Variants in PSMD11 observed in about 807,000 individuals in gnomAD.
The protein encoded by PSMD11 is proteasome 26S subunit, non-ATPase 11.
A neutral mutation model predicts 62.3 loss-of-function variants in PSMD11; 5 were observed. The observed-to-expected ratio is 0.08, with a 90% confidence interval of 0.04 to 0.17. The LOEUF is 0.17. PSMD11 is among the 10% of genes least tolerant of loss of function. The probability of loss-of-function intolerance (pLI) is 1.00; values close to 1 mark genes in which losing one functional copy is unlikely to be tolerated. For synonymous variants in PSMD11, 191 were observed against 191.8 expected, an observed-to-expected ratio of 1.00 and a Z score of 0.03; for missense variants, 310 against 512.9, an observed-to-expected ratio of 0.60 and a Z score of 3.82.
chr17:32,462,805 G>A (rs1907880134), intron 3 of PSMD11, among the ~76,000 whole-genome samples: 1 of 152,108 alleles, frequency 6.6e-6, no homozygotes. Flanking sequence ...TTCTACCTCA[G>A]CCTCCCGAGT....
chr17:32,480,456 C>G (rs1439978222), intron 12 of PSMD11, 33 bp from the exon 13 acceptor site: 2 of 1,613,740 alleles, frequency 1.2e-6, no homozygotes, highest in Non-Finnish European at 1.7e-6. Flanking sequence ...CTAACCTCAT[C>G]TTTTACCTGG....
At chr17:32,451,132 A>AG (rs1032954513) in intron 2 of PSMD11, among the ~76,000 whole-genome samples, 1 of 151,662 alleles carries the variant, frequency 6.6e-6, no homozygotes, top group Non-Finnish European at 1.5e-5. Flanking sequence ...AAAAAAAAAA[A>AG]AAAGAAAAAA....
Position 32,464,550 on chromosome 17 carries a change from C to T in PSMD11, c.420C>T (p.Thr140=), listed in dbSNP as rs1907938522. The T allele has an allele frequency of 6.2e-7, 1 of 1,608,752 alleles. No individual in the cohort carries two copies. The highest frequency in any genetic ancestry group is 8.5e-7 in the Non-Finnish European group (1 of 1,176,732). The change falls in exon 5 of 14, where the codon ACC becomes ACT. Residue 140 remains threonine (T), a synonymous_variant. Transcript: ENST00000261712. The part of the protein sequence containing the change: ...EARLVSLYFD[T]KRYQEALHLG... Reference sequence around the variant, plus strand: ...GACTGGTGTCTTTGTACTTTGATACCAAGAGGTACCAGGAAGCATTGCATT... The same window carrying T: ...GACTGGTGTCTTTGTACTTTGATACTAAGAGGTACCAGGAAGCATTGCATT...
In PSMD11 at chr17:32,482,512, T is replaced by C. The variant is rs1386167076; in HGVS notation, c.*1760T>C. ...TGTAATGGGAGTCCTTAAGGTAAAT[T>C]TGGGGTCCAAACTTGGAGGGCTTTG... On this transcript the variant is annotated 3_prime_UTR_variant, in exon 14 of 14. Transcript: ENST00000261712. 2.0e-5 allele frequency: 3 copies of C among 152,172 alleles called. No homozygotes were observed. Among genetic ancestry groups the C allele is most frequent in the African/African-American group, 7.2e-5 (3 of 41,384 alleles). 9.4% of individuals were successfully genotyped at this position (152,172 alleles called of 1,614,324 possible). A position where few individuals can be genotyped will look rare whatever the true frequency, so the allele number is the denominator to read the frequency against.
intron 6 of PSMD11, 135 bp from the exon 7 acceptor site, chr17:32,473,665 TC>T: frequency 1.3e-6 from 1 of 787,740 alleles, no homozygotes; most frequent in South Asian, 1.8e-5. Context: ...TCCTCCCATC[TC>T]AGCCTCCCAA....
chr17:32,463,260 A>G (rs1907893574), intron 3 of PSMD11: 1 of 152,086 alleles, frequency 6.6e-6, no homozygotes. Flanking sequence ...TTACCTCACT[A>G]CTTAGGTGGC....
chr17:32,454,468 C>T (rs1250439997), intron 2 of PSMD11, 27 bp from the exon 3 acceptor site: 5 of 1,608,902 alleles, frequency 3.1e-6, no homozygotes, highest in Non-Finnish European at 1.7e-6. Flanking sequence ...GATGTTTACT[C>T]CTCTTTTTGA....
intron 3 of PSMD11, among the ~76,000 whole-genome samples, chr17:32,461,600 GAAAAGAAA>G: frequency 6.7e-6 from 1 of 148,242 alleles, no homozygotes; most frequent in Non-Finnish European, 1.5e-5. Context: ...AAAGGAAAAG[GAAAAGAAA>G]AAAAGAAAAA....
intron 3 of PSMD11, among the ~76,000 whole-genome samples, chr17:32,458,568 G>C (rs1232361786): frequency 6.6e-6 from 1 of 152,140 alleles, no homozygotes; most frequent in African/African-American, 2.4e-5. Context: ...TATGACAGTG[G>C]CTTTACACTT....
rs1368424958 is a variant in PSMD11, at chr17:32,444,534, C to T, written c.11C>T (p.Ala4Val). 1.2e-6 allele frequency: 2 copies of T among 1,601,574 alleles called. No individual in the cohort carries two copies. The highest frequency in any genetic ancestry group is 2.3e-5 in the East Asian group (1 of 44,168). Residue 4 changes from alanine to valine, a missense_variant, in exon 1 of 14, where the codon GCG becomes GTG. Ala to Val is a moderately conservative substitution (Grantham distance 64). Transcript: ENST00000261712. MAA[A>V]AVVEFQRAQS... Reference sequence around the variant, plus strand: ...TGTGAGAGCGGTAAGATGGCGGCGGCGGCGGTGGTGGAGTTCCAGAGAGCC... The same window carrying T: ...TGTGAGAGCGGTAAGATGGCGGCGGTGGCGGTGGTGGAGTTCCAGAGAGCC...
intron 6 of PSMD11, among the ~76,000 whole-genome samples, chr17:32,471,565 A>G (rs1312292311): frequency 6.6e-6 from 1 of 152,224 alleles, no homozygotes; most frequent in Non-Finnish European, 1.5e-5. Context: ...AAAGTAGTTA[A>G]TATTATTAGA....
chr17:32,465,408 C>T (rs1002198790), intron 5 of PSMD11, among the ~76,000 whole-genome samples: 3 of 151,982 alleles, frequency 2.0e-5, no homozygotes, highest in African/African-American at 4.8e-5. Context: ...CCACCGTGTC[C>T]GGCCACTGCT....
At position 32,468,824 on chromosome 17, in the gene PSMD11, G is replaced by T. The variant is rs139852089; in HGVS notation, c.449-175G>T. Among the ~76,000 whole-genome samples the T allele has an allele frequency of 5.0e-3, 767 of 152,014 alleles. 5 individuals carry two copies. Among genetic ancestry groups the T allele is most frequent in the African/African-American group, 0.017 (710 of 41,418 alleles). ...CTTCAAAGAGGTGTGTTTTTCTCTT[G>T]GAAGATAGCACATTAGTGGAAAATT... On this transcript the variant is annotated intron_variant, in intron 5 of 13. Coordinates refer to ENST00000261712, the MANE Select transcript of PSMD11 (RefSeq NM_002815.4).
At chr17:32,479,721 A>G in intron 10 of PSMD11, 130 bp from the exon 11 acceptor site, 3 of 1,081,532 alleles carry the variant, frequency 2.8e-6, no homozygotes, top group Non-Finnish European at 4.1e-6. Flanking sequence ...AAGAGACTTA[A>G]GCACGGCCAA....
intron 3 of PSMD11, among the ~76,000 whole-genome samples, chr17:32,456,226 A>C (rs1441410216): frequency 6.6e-6 from 1 of 152,166 alleles, no homozygotes; most frequent in African/African-American, 2.4e-5. Flanking sequence ...CTGATCAGTA[A>C]ATGTTAATTT....
chr17:32,457,802 T>TC (rs998141652), intron 3 of PSMD11, among the ~76,000 whole-genome samples: 9 of 99,788 alleles, frequency 9.0e-5, no homozygotes, highest in East Asian at 2.3e-4. Flanking sequence ...TCTCTCTCTC[T>TC]TTTTTTTTTT....
intron 12 of PSMD11, 130 bp from the exon 13 acceptor site, chr17:32,480,359 G>T: frequency 1.4e-6 from 2 of 1,450,454 alleles, no homozygotes; most frequent in Non-Finnish European, 1.9e-6. Flanking sequence ...ATGTGTACAT[G>T]GAATAGGGAG....
intron 2 of PSMD11, among the ~76,000 whole-genome samples, chr17:32,447,910 T>C (rs571352658): frequency 4.6e-5 from 7 of 151,846 alleles, no homozygotes; most frequent in African/African-American, 1.7e-4. Context: ...AGACGGGGTC[T>C]TGCTGTGTCA....
intron 13 of PSMD11, 53 bp downstream of exon 13, chr17:32,480,684 C>T (rs1908462604): frequency 1.2e-5 from 19 of 1,595,934 alleles, no homozygotes; most frequent in East Asian, 2.2e-5. Context: ...TTCTGCGTGT[C>T]GAGACTGAAA....
Sources: gnomAD v4.1 joint callset for allele counts (sites outside exome capture counted in the v4.1 genomes callset) on GRCh38, gnomAD v4.1.1 for gene constraint, MANE v1.5 for transcripts, NCBI Gene and HGNC (gene_info 2026-07-23, HGNC 2026-07-21) for gene names.